Variants in FRMD4A observed in about 807,000 individuals in gnomAD.
The protein encoded by FRMD4A is FERM domain-containing protein 4A.
Under a neutral mutation model 129.1 loss-of-function variants are expected in FRMD4A, and 29 were observed. That is an observed-to-expected ratio of 0.22 (90% CI 0.17 to 0.31). FRMD4A has a LOEUF of 0.31. Among genes scored for constraint, FRMD4A ranks in the 10% least tolerant of loss-of-function variants. The probability of loss-of-function intolerance (pLI) is 1.00; values close to 1 mark genes in which losing one functional copy is unlikely to be tolerated. For missense variants in FRMD4A, 1,272 were observed against 1,375.8 expected, an observed-to-expected ratio of 0.92 and a Z score of 1.19; for synonymous variants, 634 against 571.6, an observed-to-expected ratio of 1.11 and a Z score of -1.56.
At chr10:14,130,076 C>G (rs561483293) in intron 2 of FRMD4A, among the ~76,000 whole-genome samples, 4 of 152,228 alleles carry the variant, frequency 2.6e-5, no homozygotes, top group East Asian at 3.9e-4. Context: ...TGCTCTCCAG[C>G]CCAAGGTTCC....
chr10:13,835,284 G>C (rs2093855414), intron 3 of FRMD4A, among the ~76,000 whole-genome samples: 1 of 152,160 alleles, frequency 6.6e-6, no homozygotes, highest in Non-Finnish European at 1.5e-5. Flanking sequence ...TCCTACGGTT[G>C]TCCTCAAGAA....
At chr10:13,964,815 G>A (rs1272484372) in intron 2 of FRMD4A, among the ~76,000 whole-genome samples, 1 of 151,714 alleles carries the variant, frequency 6.6e-6, no homozygotes, top group East Asian at 1.9e-4. Flanking sequence ...CAGCCTCCTG[G>A]GTAGCTGGGC....
intron 2 of FRMD4A, among the ~76,000 whole-genome samples, chr10:14,002,825 G>A (rs547995331): frequency 3.3e-5 from 5 of 152,322 alleles, no homozygotes; most frequent in African/African-American, 1.2e-4. Context: ...GAAGTAAAGG[G>A]GGTGGAGGGA....
intron 2 of FRMD4A, among the ~76,000 whole-genome samples, chr10:14,113,077 C>T (rs1343406603): frequency 6.6e-6 from 1 of 152,114 alleles, no homozygotes; most frequent in Non-Finnish European, 1.5e-5. Flanking sequence ...ATTCTGTGGA[C>T]TTAGGAGAAA....
At chr10:13,796,990 G>A (rs918306960) in intron 4 of FRMD4A, among the ~76,000 whole-genome samples, 1 of 152,206 alleles carries the variant, frequency 6.6e-6, no homozygotes, top group Admixed American at 6.5e-5. Flanking sequence ...AAAGTGCTGG[G>A]ATTACAGGCG....
At position 13,751,613 on chromosome 10, in the gene FRMD4A, G is replaced by A. The variant is rs1044376721; in HGVS notation, c.465-3794C>T. Reference sequence around the variant, plus strand: ...GAAGTTCACAGCTTCCTCCCTCAATGTCTTCCACTTCGACATTTTCCCCAG... The same window carrying A: ...GAAGTTCACAGCTTCCTCCCTCAATATCTTCCACTTCGACATTTTCCCCAG... On this transcript the variant is annotated intron_variant, in intron 8 of 24. Coordinates refer to ENST00000357447, the MANE Select transcript of FRMD4A (RefSeq NM_018027.5). 4.6e-5 allele frequency among the ~76,000 whole-genome samples: 7 copies of A among 152,232 alleles called. No homozygotes were observed. The East Asian group carries it at 1.2e-3, about 25-fold the overall frequency.
chr10:14,168,708 C>T (rs187860692), intron 2 of FRMD4A, among the ~76,000 whole-genome samples: 10 of 152,264 alleles, frequency 6.6e-5, no homozygotes, highest in African/African-American at 1.9e-4. Flanking sequence ...TTTATTATGA[C>T]GTGCCAAGAC....
chr10:14,313,260 G>A (rs1846622271), intron 2 of FRMD4A, among the ~76,000 whole-genome samples: 1 of 152,098 alleles, frequency 6.6e-6, no homozygotes, highest in Non-Finnish European at 1.5e-5. Flanking sequence ...CTACTCGGGA[G>A]GCTGAGGTGG....
At chr10:14,302,506 G>A (rs769000910) in intron 2 of FRMD4A, among the ~76,000 whole-genome samples, 1 of 152,214 alleles carries the variant, frequency 6.6e-6, no homozygotes, top group Non-Finnish European at 1.5e-5. Flanking sequence ...CTTTGAGCAA[G>A]TTACTAAACT....
intron 2 of FRMD4A, among the ~76,000 whole-genome samples, chr10:13,950,691 A>C (rs1025869220): frequency 6.6e-6 from 1 of 152,114 alleles, no homozygotes; most frequent in Non-Finnish European, 1.5e-5. Context: ...ACCATGTGCC[A>C]CATTCGTTTC....
chr10:14,245,423 A>G (rs1359008393), intron 2 of FRMD4A, among the ~76,000 whole-genome samples: 1 of 152,220 alleles, frequency 6.6e-6, no homozygotes, highest in Non-Finnish European at 1.5e-5. Flanking sequence ...GGAGTAAGGT[A>G]GAGAGGAATG....
At chr10:14,166,639 A>G (rs1222741422) in intron 2 of FRMD4A, among the ~76,000 whole-genome samples, 2 of 152,202 alleles carry the variant, frequency 1.3e-5, no homozygotes, top group Non-Finnish European at 2.9e-5. Flanking sequence ...CCCCCTTTAC[A>G]CCTGCAGCTA....
In FRMD4A at chr10:13,954,473, T is replaced by C. The variant is rs139547400; in HGVS notation, c.46-95561A>G. Among the ~76,000 whole-genome samples the C allele has an allele frequency of 6.3e-3, 954 of 152,264 alleles. 4 individuals are homozygous for C. Among genetic ancestry groups the C allele is most frequent in the Non-Finnish European group, 0.011 (766 of 68,024 alleles). The stretch of plus-strand genomic sequence containing the variant: ...ACAGCACGGGAAAGATCCGCCCCCA[T>C]GATTCAATAACCTCCCACCGGGTCT... On this transcript the variant is annotated intron_variant, in intron 2 of 24. Transcript: ENST00000357447.
At chr10:14,198,711 G>C (rs1041286580) in intron 2 of FRMD4A, among the ~76,000 whole-genome samples, 2 of 152,136 alleles carry the variant, frequency 1.3e-5, no homozygotes, top group Non-Finnish European at 1.5e-5. Context: ...TGATTACCTT[G>C]AATTTGTCTC....
intron 2 of FRMD4A, among the ~76,000 whole-genome samples, chr10:14,228,555 A>G (rs930594863): frequency 6.6e-6 from 1 of 152,228 alleles, no homozygotes; most frequent in African/African-American, 2.4e-5. Flanking sequence ...AATGAAGTTT[A>G]TTTGAGAAAA....
intron 2 of FRMD4A, among the ~76,000 whole-genome samples, chr10:14,062,767 C>G (rs1445322643): frequency 6.6e-6 from 1 of 152,172 alleles, no homozygotes; most frequent in Non-Finnish European, 1.5e-5. Context: ...ACTGATTCAT[C>G]AAAGACCCAG....
intron 2 of FRMD4A, among the ~76,000 whole-genome samples, chr10:14,293,076 C>T (rs1343295693): frequency 3.9e-5 from 6 of 152,062 alleles, no homozygotes. Context: ...GAAAAATGTG[C>T]AAAAGGTATT....
chr10:13,830,608 C>T (rs1338541957), intron 3 of FRMD4A, among the ~76,000 whole-genome samples: 1 of 152,176 alleles, frequency 6.6e-6, no homozygotes, highest in African/African-American at 2.4e-5. Flanking sequence ...CACAAGGCGA[C>T]ACGTTAATGT....
At chr10:14,114,517 A>C (rs926286114) in intron 2 of FRMD4A, among the ~76,000 whole-genome samples, 1 of 152,144 alleles carries the variant, frequency 6.6e-6, no homozygotes, top group African/African-American at 2.4e-5. Flanking sequence ...CTCAATTCTC[A>C]TTCATTTACC....
Sources: allele counts gnomAD v4.1 joint callset (sites outside exome capture counted in the v4.1 genomes callset), GRCh38; gene constraint gnomAD v4.1.1; transcripts MANE v1.5; gene names NCBI Gene and HGNC (gene_info 2026-07-23, HGNC 2026-07-21).